RYR1: variants seen among roughly 807,000 people sequenced by gnomAD.
The protein encoded by RYR1 is ryanodine receptor 1, also known as central core disease of muscle.
In RYR1, 342 loss-of-function variants were observed where a neutral mutation model predicts 583.5. The observed-to-expected ratio is 0.59, with a 90% CI of 0.54 to 0.64. The LOEUF (loss-of-function observed/expected upper bound fraction) is 0.64. Ranked by LOEUF, RYR1 falls within the 30% of genes least tolerant of loss-of-function variation. RYR1 has a pLI of 0.00. For synonymous variants in RYR1, 2,791 were observed against 2,822.5 expected (o/e 0.99, Z 0.35); for missense variants, 6,032 against 6,917.2 (o/e 0.87, Z 4.54).
chr19:38,434,564 G>A (rs1972341083), intron 1 of RYR1, among the ~76,000 whole-genome samples: 2 of 152,034 alleles, frequency 1.3e-5, no homozygotes, highest in Non-Finnish European at 2.9e-5. Flanking sequence ...TCTGATTTTC[G>A]CTGTCTCTCT....
At chr19:38,440,078 A>G (rs1972602559) in intron 1 of RYR1, among the ~76,000 whole-genome samples, 1 of 152,088 alleles carries the variant, frequency 6.6e-6, no homozygotes, top group Non-Finnish European at 1.5e-5. Context: ...CCTGTTACCA[A>G]CTGTGTGGCC....
rs769844883 is a variant in RYR1 at position 38,492,479 on chromosome 19, A to G, written c.6128-11A>G. On this transcript the variant is annotated splice_polypyrimidine_tract_variant and intron_variant, in intron 37 of 105. Transcript: ENST00000359596. ...ATGAATGACATTTCCCGCCTTCTTGACCACTTCCAGGAATTCAGCTAGATG... is the reference window on the plus strand; with the variant it reads ...ATGAATGACATTTCCCGCCTTCTTGGCCACTTCCAGGAATTCAGCTAGATG... 1.2e-6 allele frequency: 2 copies of G among 1,613,938 alleles called. No homozygotes were observed. The highest frequency in any genetic ancestry group is 2.7e-5 in the African/African-American group (2 of 74,912).
chr19:38,494,715 G>C, intron 39 of RYR1, 90 bp downstream of exon 39: 1 of 1,535,174 alleles, frequency 6.5e-7, no homozygotes, highest in Non-Finnish European at 9.0e-7. Context: ...CCCAACTTCT[G>C]GCCCATCCTC....
intron 37 of RYR1, 47 bp downstream of exon 37, chr19:38,490,779 G>A (rs1314433411): frequency 1.4e-5 from 18 of 1,242,088 alleles, no homozygotes; most frequent in Non-Finnish European, 1.9e-5. Context: ...ACTTTCTCTC[G>A]AGACCTCTCC....
At chr19:38,584,278 C>T (rs1482661721) in intron 101 of RYR1, among the ~76,000 whole-genome samples, 11 of 132,830 alleles carry the variant, frequency 8.3e-5, no homozygotes, top group Admixed American at 7.5e-5. Context: ...TATCCTGGCC[C>T]TGATCCCTAC....
Position 38,496,799 on chromosome 19 carries a change from C to A in RYR1, c.6797-61C>A. On this transcript the variant is annotated intron_variant, in intron 41 of 105. Transcript: ENST00000359596. This position sits in a 1 kb window ranked among gnomAD's most constrained non-coding sequence, Gnocchi z 4.8. ...CTGGAAAAAGGGTGGTCAGGGAGGG[C>A]TTCCCAGAGGAGGCGAGACAAGCAG... is the stretch of plus-strand genomic sequence containing the variant. 1 of 1,515,962 alleles carries A rather than the reference C, an allele frequency of 6.6e-7. No homozygotes were observed. Among genetic ancestry groups the A allele is most frequent in the South Asian group, 1.1e-5 (1 of 88,510 alleles). 93.9% of individuals were successfully genotyped at this position (1,515,962 alleles called of 1,614,324 possible).
In RYR1 at chr19:38,442,435, G is replaced by C; in HGVS notation, c.252G>C (p.Thr84=). ...VRALQEMLAN[T]VEAGVESSQG... is the part of the protein sequence containing the mutation. ...CCCTGCAGGAGATGCTGGCTAACAC[G>C]GTGGAGGCTGGCGTGGAGGTGAGGA... Residue 84 remains threonine, a synonymous_variant, in exon 3 of 106, where the codon ACG becomes ACC. Transcript: ENST00000359596. 5 of 1,613,446 alleles carry C rather than the reference G, an allele frequency of 3.1e-6. No individual in the cohort carries two copies. The highest frequency in any genetic ancestry group is 2.2e-5 in the East Asian group (1 of 44,840).
intron 78 of RYR1, among the ~76,000 whole-genome samples, chr19:38,534,498 A>T (rs1232815303): frequency 6.6e-6 from 1 of 152,222 alleles, no homozygotes; most frequent in Non-Finnish European, 1.5e-5. Flanking sequence ...AGACTGCTGC[A>T]TGCCCAGCTC....
At position 38,447,044 on chromosome 19, in the gene RYR1, AAAAAT is replaced by A. The variant is rs1475734394; in HGVS notation, c.800+290_800+294del. Among the ~76,000 whole-genome samples the A allele has an allele frequency of 1.1e-4, 16 of 152,014 alleles. No individual in the cohort carries two copies. In the East Asian group the frequency reaches 2.7e-3, roughly 26 times the overall value. ...ATCATGAGACCCCCGTCTCTGCAAAAAAAATAAAATAAAATAAATAAAATAAAGAA... is the reference window on the plus strand; with the variant it reads ...ATCATGAGACCCCCGTCTCTGCAAAAAAAATAAAATAAATAAAATAAAGAA... On this transcript the variant is annotated intron_variant, in intron 9 of 105. Transcript: ENST00000359596.
chr19:38,469,605 G>A lies in RYR1; in HGVS notation c.3765+92G>A, dbSNP rs531860483. Reference sequence around the variant, plus strand: ...CTTTGAGTTTCTCTTTTCCCTCCATGTTAGGACACAAACCACATGGAAGCA... The same window carrying A: ...CTTTGAGTTTCTCTTTTCCCTCCATATTAGGACACAAACCACATGGAAGCA... On this transcript the variant is annotated intron_variant, in intron 27 of 105. Transcript: ENST00000359596. 1,363 of 1,301,658 alleles carry A rather than the reference G, an allele frequency of 1.0e-3. 1 individual carries two copies. Among genetic ancestry groups the A allele is most frequent in the Admixed American group, 2.9e-3 (160 of 55,168 alleles). The allele number at this position is 1,301,658 out of a possible 1,614,324, so 80.6% of individuals were successfully genotyped here. A position where few individuals can be genotyped will look rare whatever the true frequency, so the allele number is the denominator to read the frequency against.
intron 88 of RYR1, among the ~76,000 whole-genome samples, chr19:38,547,614 A>C (rs2960350): frequency 6.6e-6 from 1 of 151,706 alleles, no homozygotes; most frequent in Non-Finnish European, 1.5e-5. Flanking sequence ...GACTTTCTCT[A>C]TGTCTCAGTT....
At chr19:38,544,785 C>G (rs1399426294) in intron 87 of RYR1, among the ~76,000 whole-genome samples, 1 of 151,682 alleles carries the variant, frequency 6.6e-6, no homozygotes, top group Non-Finnish European at 1.5e-5. Flanking sequence ...TTGGTATCAT[C>G]ATGTAGAATT....
Position 38,446,467 on chromosome 19 carries a change from T to C in RYR1, c.632-5T>C. 1 of 1,612,946 alleles carries C rather than the reference T, an allele frequency of 6.2e-7. No individual in the cohort carries two copies. On this transcript the variant is annotated splice_region_variant and splice_polypyrimidine_tract_variant and intron_variant, in intron 7 of 105. Transcript: ENST00000359596. ...CATTGACCAACTTCCCTTGCTCCTCTCCAGGCTTCGTGACGGGAGGTCACG... is the reference window on the plus strand; with the variant it reads ...CATTGACCAACTTCCCTTGCTCCTCCCCAGGCTTCGTGACGGGAGGTCACG...
In RYR1 at chr19:38,548,299, T is replaced by G. The variant is rs748943591; in HGVS notation, c.12161T>G (p.Val4054Gly). ...VDMLVESSSN[V>G]EMILKFFDMF... Reference sequence around the variant, plus strand: ...ATGCTCGTGGAATCCTCATCCAATGTGGAGATGATCCTCAAGTTCTTCGAC... The same window carrying G: ...ATGCTCGTGGAATCCTCATCCAATGGGGAGATGATCCTCAAGTTCTTCGAC... The change falls in exon 89 of 106, where the codon GTG (valine) becomes GGG (glycine). Residue 4054 changes from valine (V) to glycine (G), a missense_variant. Physicochemically the swap from Val to Gly is moderately radical, Grantham distance 109. Transcript: ENST00000359596. The G allele has an allele frequency of 1.9e-6, 3 of 1,614,180 alleles. No homozygotes were observed. The Admixed American group carries it at 5.0e-5, about 27-fold the overall frequency.
At position 38,561,056 on chromosome 19, in the gene RYR1, AAGAGAG is replaced by A; in HGVS notation, c.12283-53_12283-48del. The A allele has an allele frequency of 7.1e-7, 1 of 1,404,700 alleles. No homozygotes were observed. Among genetic ancestry groups the A allele is most frequent in the Non-Finnish European group, 9.8e-7 (1 of 1,022,608 alleles). 87.0% of individuals were successfully genotyped at this position (1,404,700 alleles called of 1,614,324 possible). ...ACCTTGTCTTAAAAAAAAAAAAAAA[AAGAGAG>A]AGAATTGAGGCTCTCCAGGTCACCC... On this transcript the variant is annotated intron_variant, in intron 89 of 105. Coordinates refer to ENST00000359596, the MANE Select transcript of RYR1 (RefSeq NM_000540.3). The surrounding 1 kb of genome is among the most constrained non-coding windows in gnomAD (Gnocchi z 4.8).
At chr19:38,519,511 C>T (rs1331956750) in intron 67 of RYR1, 57 bp downstream of exon 67, 1 of 1,548,308 alleles carries the variant, frequency 6.5e-7, no homozygotes, top group Non-Finnish European at 8.7e-7. Flanking sequence ...CGTCCTCCAG[C>T]CCCATCTGAT....
chr19:38,573,662 A>AGAGCG (rs1973828550), intron 96 of RYR1, among the ~76,000 whole-genome samples: 1 of 151,732 alleles, frequency 6.6e-6, no homozygotes, highest in African/African-American at 2.4e-5. Flanking sequence ...CCTGGGCAAC[A>AGAGCG]AGAGTGAAAT....
At chr19:38,491,083 A>G (rs1969530568) in intron 37 of RYR1, among the ~76,000 whole-genome samples, 3 of 152,138 alleles carry the variant, frequency 2.0e-5, no homozygotes, top group Admixed American at 1.3e-4. Context: ...GGAAGGACAG[A>G]TGGATGACCT....
chr19:38,435,505 G>A (rs1294789251), intron 1 of RYR1, among the ~76,000 whole-genome samples: 2 of 152,186 alleles, frequency 1.3e-5, no homozygotes, highest in Non-Finnish European at 2.9e-5. Context: ...GCCAAGGTGA[G>A]CGGATCACTT....
Sources: allele counts gnomAD v4.1 joint callset (sites outside exome capture counted in the v4.1 genomes callset), GRCh38; gene constraint gnomAD v4.1.1; non-coding constraint Gnocchi (gnomAD v3.1); transcripts MANE v1.5; gene names NCBI Gene and HGNC (gene_info 2026-07-23, HGNC 2026-07-21).